The following IQCE variants were observed in gnomAD, a reference collection of about 807,000 sequenced individuals.
IQCE encodes the protein IQ motif containing E.
IQCE carries 115 observed loss-of-function variants against 96.0 expected under a neutral mutation model. That is an observed-to-expected ratio of 1.20 (90% CI 1.03 to 1.40). IQCE has a LOEUF of 1.40. Ranked by LOEUF, IQCE falls within the 40% of genes most tolerant of loss-of-function variation. The pLI is 0.00. For missense variants in IQCE, 1,041 were observed against 909.1 expected (o/e 1.15, Z -1.87); for synonymous variants, 412 against 371.2 (o/e 1.11, Z -1.26).
chr7:2,589,861 G>T (rs761697226), intron 13 of IQCE, 46 bp from the exon 14 acceptor site: 1 of 1,567,484 alleles, frequency 6.4e-7, no homozygotes. Context: ...TAAATAGAAA[G>T]TAGAAATGAG....
chr7:2,572,875 C>T, intron 5 of IQCE: 2 of 386,846 alleles, frequency 5.2e-6, no homozygotes, highest in South Asian at 2.0e-5. Flanking sequence ...CCCACCTATC[C>T]TCCTTAAGGA....
At chr7:2,578,633 G>T (rs1368383191) in intron 8 of IQCE, 107 bp downstream of exon 8, 20 of 1,251,560 alleles carry the variant, frequency 1.6e-5, no homozygotes, top group Non-Finnish European at 2.3e-5. Context: ...AGAGCAGCAG[G>T]CAGGGGGGAG....
At chr7:2,607,014 C>T in intron 20 of IQCE, 110 bp from the exon 21 acceptor site, 1 of 1,015,432 alleles carries the variant, frequency 9.8e-7, no homozygotes, top group Non-Finnish European at 1.4e-6. Flanking sequence ...TCTGTGTTTG[C>T]TTTCATTGGA....
At chr7:2,569,212 G>A (rs1391868996) in intron 3 of IQCE, among the ~76,000 whole-genome samples, 1 of 152,130 alleles carries the variant, frequency 6.6e-6, no homozygotes, top group Admixed American at 6.5e-5. Context: ...TGGAGTCCCT[G>A]TTGGTGCCAG....
At chr7:2,559,388 C>A (rs1015883186) in intron 1 of IQCE, 171 bp downstream of exon 1, 3 of 327,380 alleles carry the variant, frequency 9.2e-6, no homozygotes, top group African/African-American at 2.2e-5. Flanking sequence ...GCGCTGCAGG[C>A]CCCGCGCCGC....
chr7:2,571,533 T>G lies in IQCE; in HGVS notation c.138T>G (p.Pro46=), dbSNP rs1562626588. 1 of 1,606,532 alleles carries G rather than the reference T, an allele frequency of 6.2e-7. No homozygotes were observed. Among genetic ancestry groups the G allele is most frequent in the African/African-American group, 1.3e-5 (1 of 75,040 alleles). The change falls in exon 4 of 22, where the codon CCT becomes CCG. Residue 46 remains proline, a synonymous_variant. Coordinates refer to ENST00000402050, the MANE Select transcript of IQCE (RefSeq NM_152558.5). The part of the protein sequence containing the change: ...HKPPPTSPKS[P]YLSKPRKVAS... ...ACGTGTTGGCTTTTCCAGAGTCACC[T>G]TATCTCTCTAAGCCGAGAAAAGTGG...
chr7:2,578,220 G>A, intron 6 of IQCE, 22 bp from the exon 7 acceptor site: 1 of 1,579,598 alleles, frequency 6.3e-7, no homozygotes, highest in Non-Finnish European at 8.7e-7. Context: ...GGATGGCTGT[G>A]CATGGCCCTT....
At chr7:2,561,294 T>C (rs956894627) in intron 1 of IQCE, among the ~76,000 whole-genome samples, 1 of 152,182 alleles carries the variant, frequency 6.6e-6, no homozygotes, top group African/African-American at 2.4e-5. Flanking sequence ...CAATGGTTTA[T>C]ATTTTTCAAT....
At chr7:2,577,789 C>T (rs1442206907) in intron 6 of IQCE, among the ~76,000 whole-genome samples, 4 of 133,296 alleles carry the variant, frequency 3.0e-5, no homozygotes, top group African/African-American at 8.6e-5. Flanking sequence ...GCGGCGTATA[C>T]GCATTGGCGT....
intron 15 of IQCE, among the ~76,000 whole-genome samples, chr7:2,593,962 C>G (rs190313173): frequency 1.1e-4 from 16 of 152,132 alleles, no homozygotes; most frequent in Non-Finnish European, 1.3e-4. Context: ...CATAGACTAC[C>G]GGAATGAAGA....
At chr7:2,572,503 C>G (rs573135374) in intron 5 of IQCE, among the ~76,000 whole-genome samples, 177 bp downstream of exon 5, 1 of 152,322 alleles carries the variant, frequency 6.6e-6, no homozygotes, top group African/African-American at 2.4e-5. Context: ...CTCACAAAAA[C>G]CCGCCTGCCC....
chr7:2,606,835 G>A (rs1784866252), intron 20 of IQCE, among the ~76,000 whole-genome samples: 1 of 152,186 alleles, frequency 6.6e-6, no homozygotes, highest in Non-Finnish European at 1.5e-5. Flanking sequence ...CCAGACAGGA[G>A]ACAGGGAACG....
At chr7:2,582,048 C>T (rs1407663196) in intron 8 of IQCE, 2 of 468,686 alleles carry the variant, frequency 4.3e-6, no homozygotes, top group Admixed American at 2.4e-5. Context: ...AATATTGTCT[C>T]CTCTAAGCAA....
At chr7:2,578,859 G>A (rs1053138418) in intron 8 of IQCE, among the ~76,000 whole-genome samples, 1 of 152,104 alleles carries the variant, frequency 6.6e-6, no homozygotes, top group Non-Finnish European at 1.5e-5. Context: ...TCAGGAGTTC[G>A]AGACCAGCCT....
At chr7:2,596,034 A>C (rs1784011503) in intron 16 of IQCE, among the ~76,000 whole-genome samples, 1 of 152,262 alleles carries the variant, frequency 6.6e-6, no homozygotes, top group South Asian at 2.1e-4. Flanking sequence ...ATGTGAGCCC[A>C]TGCATGTTCA....
chr7:2,592,826 C>T (rs545285899), intron 14 of IQCE, among the ~76,000 whole-genome samples, 196 bp from the exon 15 acceptor site: 17 of 152,194 alleles, frequency 1.1e-4, no homozygotes, highest in East Asian at 3.9e-4. Flanking sequence ...AGCAGGTGCT[C>T]GGTTCAGGGC....
intron 8 of IQCE, among the ~76,000 whole-genome samples, chr7:2,579,721 G>C (rs868368417): frequency 3.7e-5 from 5 of 135,272 alleles, no homozygotes; most frequent in Admixed American, 7.5e-5. Context: ...GTGTGTGTGT[G>C]TGTGTGTGTG....
rs563545429 is a variant in IQCE, at chr7:2,587,995, G to A, written c.1044+118G>A. The A allele has an allele frequency of 1.2e-4, 116 of 944,844 alleles. 1 individual carries two copies. The African/African-American group carries it at 1.6e-3, about 13-fold the overall frequency. The allele number at this position is 944,844 out of a possible 1,614,324, so 58.5% of individuals were successfully genotyped here. ...TGGCACTGGCTGTCTGCCAGGCAGC[G>A]CCACACACAGACCGCAAGGAGACTT... On this transcript the variant is annotated intron_variant, in intron 13 of 21. Coordinates refer to ENST00000402050, the MANE Select transcript of IQCE (RefSeq NM_152558.5).
chr7:2,604,669 G>A (rs1784661079), intron 18 of IQCE, among the ~76,000 whole-genome samples: 1 of 152,166 alleles, frequency 6.6e-6, no homozygotes, highest in African/African-American at 2.4e-5. Flanking sequence ...CAGGTGCCAT[G>A]CCCTGTCAGC....
Sources: allele counts gnomAD v4.1 joint callset (sites outside exome capture counted in the v4.1 genomes callset), GRCh38; gene constraint gnomAD v4.1.1; transcripts MANE v1.5; gene names NCBI Gene and HGNC (gene_info 2026-07-23, HGNC 2026-07-21).